LRTM1: variants seen among roughly 807,000 people sequenced by gnomAD.
LRTM1 encodes leucine rich repeat transmembrane protein 1.
In LRTM1, 38 loss-of-function variants were observed where a neutral mutation model predicts 32.4. The observed-to-expected ratio is 1.17, with a 90% CI of 0.91 to 1.54. LRTM1 has a LOEUF of 1.54. Among genes scored for constraint, LRTM1 ranks in the 40% most tolerant of loss-of-function variants. The probability of loss-of-function intolerance (pLI) is 0.00; values close to 1 mark genes in which losing one functional copy is unlikely to be tolerated. For synonymous variants in LRTM1, 186 were observed against 169.9 expected (o/e 1.09, Z -0.74); for missense variants, 466 against 415.4 (o/e 1.12, Z -1.06).
chr3:54,918,399 G>T lies in LRTM1; in HGVS notation c.*60C>A. On this transcript the variant is annotated 3_prime_UTR_variant, in exon 3 of 3. Coordinates refer to ENST00000273286, the MANE Select transcript of LRTM1 (RefSeq NM_020678.4). The stretch of plus-strand genomic sequence containing the variant: ...AATCAGACTAACAGGAAACACATCA[G>T]CCCTACTCAGACACTATCTTCTGGC... The T allele has an allele frequency of 8.0e-7, 1 of 1,245,320 alleles. No homozygotes were observed. The highest frequency in any genetic ancestry group is 1.1e-6 in the Non-Finnish European group (1 of 907,284). The allele number at this position is 1,245,320 out of a possible 1,614,324, so 77.1% of individuals were successfully genotyped here. A position where few individuals can be genotyped will look rare whatever the true frequency, so the allele number is the denominator to read the frequency against.
At chr3:54,938,902 C>T (rs1352812200) in intron 1 of LRTM1, among the ~76,000 whole-genome samples, 4 of 152,036 alleles carry the variant, frequency 2.6e-5, no homozygotes, top group African/African-American at 9.7e-5. Context: ...GACATGCTGT[C>T]CCGCTGAAGC....
intron 1 of LRTM1, among the ~76,000 whole-genome samples, chr3:54,944,650 T>C (rs891883230): frequency 6.6e-6 from 1 of 152,170 alleles, no homozygotes; most frequent in African/African-American, 2.4e-5. Flanking sequence ...CTCGAACTCC[T>C]GACCTCATGA....
In LRTM1 at chr3:54,965,603, C is replaced by G. The variant is rs570259858; in HGVS notation, c.-222+1325G>C. Among the ~76,000 whole-genome samples, 14 of 152,270 alleles carry G rather than the reference C, an allele frequency of 9.2e-5. 1 individual carries two copies. The South Asian group carries it at 2.7e-3, about 29-fold the overall frequency. ...TACCCAGTGTAGAGCTTAGTACTCA[C>G]TGAACAAATGGTCGTGAAGTTGATC... On this transcript the variant is annotated intron_variant, in intron 1 of 2. Coordinates refer to the LRTM1 transcript ENST00000493075.
At chr3:54,925,740 A>C (rs930302128) in intron 1 of LRTM1, among the ~76,000 whole-genome samples, 1 of 152,234 alleles carries the variant, frequency 6.6e-6, no homozygotes, top group Non-Finnish European at 1.5e-5. Context: ...TTGAGATGCA[A>C]CTACTGCAAC....
intron 1 of LRTM1, among the ~76,000 whole-genome samples, chr3:54,946,036 A>C (rs145383815): frequency 2.7e-4 from 41 of 152,332 alleles, no homozygotes; most frequent in Admixed American, 1.5e-3. Context: ...CTGCCTCATT[A>C]TCACATTTCC....
chr3:54,964,947 C>T (rs180700107), intron 1 of LRTM1, among the ~76,000 whole-genome samples: 12 of 152,070 alleles, frequency 7.9e-5, no homozygotes, highest in African/African-American at 2.4e-4. Flanking sequence ...GGCCCTTTCC[C>T]TAGCACTTCC....
intron 1 of LRTM1, among the ~76,000 whole-genome samples, chr3:54,934,382 T>C (rs1308002195): frequency 6.8e-6 from 1 of 146,986 alleles, no homozygotes; most frequent in Non-Finnish European, 1.5e-5. Context: ...AGTAAGAAAG[T>C]GGGGAGGTTG....
intron 2 of LRTM1, among the ~76,000 whole-genome samples, chr3:54,921,584 T>C (rs1185198113): frequency 6.6e-6 from 1 of 152,158 alleles, no homozygotes; most frequent in African/African-American, 2.4e-5. Flanking sequence ...TTTGAGGCCA[T>C]GTGATTGAAT....
At position 54,918,405 on chromosome 3, in the gene LRTM1, C is replaced by T. The variant is rs1332540146; in HGVS notation, c.*54G>A. On this transcript the variant is annotated 3_prime_UTR_variant, in exon 3 of 3. Transcript: ENST00000273286. Reference sequence around the variant, plus strand: ...ACTAACAGGAAACACATCAGCCCTACTCAGACACTATCTTCTGGCCTGCAA... The same window carrying T: ...ACTAACAGGAAACACATCAGCCCTATTCAGACACTATCTTCTGGCCTGCAA... The T allele has an allele frequency of 3.7e-6, 5 of 1,365,590 alleles. No individual in the cohort carries two copies. The highest frequency in any genetic ancestry group is 4.0e-6 in the Non-Finnish European group (4 of 1,006,372). The allele number at this position is 1,365,590 out of a possible 1,614,324, so 84.6% of individuals were successfully genotyped here.
At chr3:54,944,914 C>A (rs1014737228) in intron 1 of LRTM1, among the ~76,000 whole-genome samples, 2 of 152,034 alleles carry the variant, frequency 1.3e-5, no homozygotes, top group Admixed American at 6.6e-5. Flanking sequence ...TGAAGGCTCT[C>A]CCCAAATATC....
At chr3:54,953,220 C>A (rs561382230) in intron 1 of LRTM1, among the ~76,000 whole-genome samples, 1 of 152,274 alleles carries the variant, frequency 6.6e-6, no homozygotes, top group South Asian at 2.1e-4. Context: ...ATAAGGTGTG[C>A]ATGACTCCTG....
chr3:54,966,330 AATGCAGTCAACT>A (rs1409202385), intron 1 of LRTM1, among the ~76,000 whole-genome samples: 1 of 152,134 alleles, frequency 6.6e-6, no homozygotes, highest in Non-Finnish European at 1.5e-5. Flanking sequence ...ATTTATTTGA[AATGCAGTCAACT>A]ACCATCAGAC....
At chr3:54,957,594 G>A (rs1322387617) in intron 1 of LRTM1, among the ~76,000 whole-genome samples, 1 of 152,154 alleles carries the variant, frequency 6.6e-6, no homozygotes, top group African/African-American at 2.4e-5. Flanking sequence ...CTTGAGGTCT[G>A]GTGTGTGTGT....
chr3:54,925,658 C>T (rs184069292), intron 1 of LRTM1, among the ~76,000 whole-genome samples: 1 of 152,324 alleles, frequency 6.6e-6, no homozygotes, highest in Admixed American at 6.5e-5. Flanking sequence ...ATACAACTTT[C>T]TGTGATGATA....
intron 1 of LRTM1, among the ~76,000 whole-genome samples, chr3:54,952,810 C>A (rs772228508): frequency 1.3e-5 from 2 of 152,142 alleles, no homozygotes; most frequent in Non-Finnish European, 2.9e-5. Context: ...ATGACAATAT[C>A]TATCTATGAG....
intron 1 of LRTM1, among the ~76,000 whole-genome samples, chr3:54,958,973 T>C (rs897787150): frequency 9.2e-5 from 14 of 151,962 alleles, no homozygotes; most frequent in Non-Finnish European, 1.5e-4. Context: ...TGGTGGCACA[T>C]GCCTGTAGTC....
intron 2 of LRTM1, among the ~76,000 whole-genome samples, chr3:54,919,907 G>A (rs547393800): frequency 2.0e-5 from 3 of 152,182 alleles, no homozygotes; most frequent in Admixed American, 1.3e-4. Flanking sequence ...CACTACACTC[G>A]CTGCCTCGCC....
In LRTM1 at chr3:54,925,024, C is replaced by T. The variant is rs1279861870; in HGVS notation, c.199G>A (p.Ala67Thr). 2 of 1,613,974 alleles carry T rather than the reference C, an allele frequency of 1.2e-6. No homozygotes were observed. The highest frequency in any genetic ancestry group is 2.2e-5 in the East Asian group (1 of 44,880). Residue 67 changes from alanine (A) to threonine (T), a missense_variant, in exon 2 of 3, where the codon GCT (alanine) becomes ACT (threonine). Transcript: ENST00000273286. Reference sequence around the variant, plus strand: ...CATGGCACTGACCTAAATGCAAAAGCAGGAAGATGGTGTATCTGATTATCT... The same window carrying T: ...CATGGCACTGACCTAAATGCAAAAGTAGGAAGATGGTGTATCTGATTATCT... ...LQDNQIHHLP[A>T]FAFRSVPWLM...
intron 1 of LRTM1, among the ~76,000 whole-genome samples, chr3:54,943,656 G>T (rs1026443703): frequency 6.6e-6 from 1 of 151,534 alleles, no homozygotes; most frequent in East Asian, 1.9e-4. Flanking sequence ...TTTCCCCCAT[G>T]TGTTTCATCA....
Sources: gnomAD v4.1 joint callset for allele counts (sites outside exome capture counted in the v4.1 genomes callset) on GRCh38, gnomAD v4.1.1 for gene constraint, MANE v1.5 for transcripts, NCBI Gene and HGNC (gene_info 2026-07-23, HGNC 2026-07-21) for gene names.